USP7: variants seen among roughly 807,000 people sequenced by gnomAD.
USP7 encodes the protein ubiquitin specific peptidase 7.
USP7 carries 9 observed loss-of-function variants against 162.9 expected under a neutral mutation model. The observed-to-expected ratio is 0.06, with a 90% CI of 0.03 to 0.10. The LOEUF (loss-of-function observed/expected upper bound fraction) is 0.10. Among genes scored for constraint, USP7 ranks in the 10% least tolerant of loss-of-function variants. The pLI is 1.00. For missense variants in USP7, 715 were observed against 1,373.7 expected (o/e 0.52, Z 7.58); for synonymous variants, 562 against 475.9 (o/e 1.18, Z -2.35).
intron 1 of USP7, among the ~76,000 whole-genome samples, chr16:8,954,990 C>G (rs1162133259): frequency 6.6e-6 from 1 of 152,162 alleles, no homozygotes; most frequent in Non-Finnish European, 1.5e-5. Flanking sequence ...AAAACAGTAA[C>G]AGCAATTGCT....
At position 8,897,026 on chromosome 16, in the gene USP7, A is replaced by G. The variant is rs757472416; in HGVS notation, c.2792T>C (p.Leu931Pro). The change falls in exon 26 of 31, where the codon CTT (leucine) becomes CCT (proline). Residue 931 changes from leucine to proline, a missense_variant. By Grantham distance (98) the Leu-to-Pro change is moderately conservative. Around this residue, in one of 11 missense-constraint regions of USP7, gnomAD observed 222 missense variants for 441.7 expected, o/e 0.50. Transcript: ENST00000344836. ...LLEECKKAVE[L>P]GEKASGKLRL... ...AAGTTTCCCTGATGCTTTCTCCCCAAGCTCCACGGCCTTTTTACATTCTTC... is the reference window on the plus strand; with the variant it reads ...AAGTTTCCCTGATGCTTTCTCCCCAGGCTCCACGGCCTTTTTACATTCTTC... 14 of 1,614,126 alleles carry G rather than the reference A, an allele frequency of 8.7e-6. No individual in the cohort carries two copies. The East Asian group carries it at 2.7e-4, about 31-fold the overall frequency.
At chr16:8,916,765 C>T (rs565580344) in intron 7 of USP7, among the ~76,000 whole-genome samples, 1 of 152,226 alleles carries the variant, frequency 6.6e-6, no homozygotes, top group Non-Finnish European at 1.5e-5. Context: ...AATCTGAAAG[C>T]AGTACAGGTT....
chr16:8,894,529 CG>C lies in USP7; in HGVS notation c.3202+20del, dbSNP rs3214650. ...TTAGTCTGAAACCCACACCAGCCCC[CG>C]GGGGGGGGAGAACCCTTACCGGGCT... is the stretch of plus-strand genomic sequence containing the variant. On this transcript the variant is annotated intron_variant, in intron 30 of 30. Coordinates refer to ENST00000344836, the MANE Select transcript of USP7 (RefSeq NM_003470.3). 0.42 allele frequency: 631,945 copies of C among 1,487,300 alleles called. 125,224 individuals are homozygous for C. The highest frequency in any genetic ancestry group is 0.44 in the Non-Finnish European group (484,673 of 1,090,036). The allele number at this position is 1,487,300 out of a possible 1,614,324, so 92.1% of individuals were successfully genotyped here. A position where few individuals can be genotyped will look rare whatever the true frequency, so the allele number is the denominator to read the frequency against.
At chr16:8,935,042 C>T (rs146459497) in intron 1 of USP7, among the ~76,000 whole-genome samples, 3 of 152,318 alleles carry the variant, frequency 2.0e-5, no homozygotes, top group African/African-American at 4.8e-5. Context: ...AACGATAAGG[C>T]TGCCTTCTTT....
chr16:8,923,752 G>A (rs1240427133), intron 2 of USP7, among the ~76,000 whole-genome samples: 2 of 152,164 alleles, frequency 1.3e-5, no homozygotes, highest in Non-Finnish European at 2.9e-5. Context: ...TTGGAGAGAA[G>A]GAACGACATG....
intron 1 of USP7, among the ~76,000 whole-genome samples, chr16:8,957,650 T>G (rs1408093010): frequency 1.3e-5 from 2 of 151,360 alleles, no homozygotes; most frequent in African/African-American, 4.9e-5. Flanking sequence ...CCCAGCTACT[T>G]GGAAGGCTGA....
At chr16:8,913,543 A>T (rs1282537401) in intron 10 of USP7, among the ~76,000 whole-genome samples, 1 of 152,002 alleles carries the variant, frequency 6.6e-6, no homozygotes, top group Non-Finnish European at 1.5e-5. Flanking sequence ...GAACCTGCCA[A>T]CCTAGAAGTC....
rs567611304 is a variant in USP7 at position 8,901,940 on chromosome 16, AG to A, written c.2047+141del. On this transcript the variant is annotated intron_variant, in intron 18 of 30. Coordinates refer to ENST00000344836, the MANE Select transcript of USP7 (RefSeq NM_003470.3). ...CAAGTCAGTCTTATTTGACTTCATC[AG>A]GAAGTCTAGTGAGCTTTTGTGGAAT... 3.4e-3 allele frequency: 2,464 copies of A among 719,256 alleles called. 11 individuals are homozygous for A. Among genetic ancestry groups the A allele is most frequent in the Middle Eastern group, 5.0e-3 (13 of 2,584 alleles). The allele number at this position is 719,256 out of a possible 1,614,324, so 44.6% of individuals were successfully genotyped here.
intron 1 of USP7, among the ~76,000 whole-genome samples, chr16:8,934,615 G>A (rs1898575583): frequency 6.6e-6 from 1 of 152,238 alleles, no homozygotes; most frequent in African/African-American, 2.4e-5. Flanking sequence ...CGCAAAGCAA[G>A]CAGAGGTCTG....
intron 6 of USP7, 23 bp from the exon 7 acceptor site, chr16:8,917,179 A>ATT: frequency 6.3e-7 from 1 of 1,576,108 alleles, no homozygotes; most frequent in Non-Finnish European, 8.6e-7. Context: ...AGAAATAAGA[A>ATT]TTTTTACTCT....
At chr16:8,961,451 C>G (rs533841312) in intron 1 of USP7, among the ~76,000 whole-genome samples, 1 of 141,372 alleles carries the variant, frequency 7.1e-6, no homozygotes, top group South Asian at 2.2e-4. Context: ...GAGATCGCGC[C>G]ACTGCACTCC....
intron 1 of USP7, among the ~76,000 whole-genome samples, chr16:8,960,632 G>A (rs894790443): frequency 6.6e-6 from 1 of 152,170 alleles, no homozygotes; most frequent in Non-Finnish European, 1.5e-5. Context: ...GTTAGGAACC[G>A]AGGCAGACAC....
chr16:8,955,727 C>G (rs1017371475), intron 1 of USP7, among the ~76,000 whole-genome samples: 13 of 84,060 alleles, frequency 1.5e-4, no homozygotes, highest in African/African-American at 4.3e-4. Flanking sequence ...AAAAAAAAAA[C>G]ATTGCACAGG....
Position 8,923,451 on chromosome 16 carries a change from C to A in USP7, c.185-38G>T, listed in dbSNP as rs1338073239. 3 of 1,605,860 alleles carry A rather than the reference C, an allele frequency of 1.9e-6. No homozygotes were observed. In the Admixed American group the frequency reaches 5.1e-5, roughly 27 times the overall value. The stretch of plus-strand genomic sequence containing the variant: ...CACATCATCAGTCACAGAGCCTGTG[C>A]ATTGACCAAAAGCACTAGCATTAAT... On this transcript the variant is annotated intron_variant, in intron 2 of 30. Coordinates refer to ENST00000344836, the MANE Select transcript of USP7 (RefSeq NM_003470.3).
chr16:8,920,700 G>C (rs1396065878), intron 4 of USP7, among the ~76,000 whole-genome samples: 1 of 152,206 alleles, frequency 6.6e-6, no homozygotes, highest in East Asian at 1.9e-4. Context: ...GCATGGACAG[G>C]AGAAATCTGT....
Position 8,902,068 on chromosome 16 carries a change from T to A in USP7, c.2047+14A>T, listed in dbSNP as rs2061783661. ...ACTGCTCTAAGTGCAGGCAGGCGTCTCGTGGGCACTTACGATCTTTATCAA... is the reference window on the plus strand; with the variant it reads ...ACTGCTCTAAGTGCAGGCAGGCGTCACGTGGGCACTTACGATCTTTATCAA... On this transcript the variant is annotated intron_variant, in intron 18 of 30. Transcript: ENST00000344836. 1 of 1,609,808 alleles carries A rather than the reference T, an allele frequency of 6.2e-7. No homozygotes were observed. Among genetic ancestry groups the A allele is most frequent in the South Asian group, 1.1e-5 (1 of 90,950 alleles).
intron 25 of USP7, 106 bp from the exon 26 acceptor site, chr16:8,897,205 G>T: frequency 1.2e-6 from 1 of 856,188 alleles, no homozygotes; most frequent in Non-Finnish European, 1.9e-6. Context: ...ACTGTCCCCA[G>T]CTGGCCCCCA....
At position 8,901,125 on chromosome 16, in the gene USP7, G is replaced by A; in HGVS notation, c.2140+17C>T. On this transcript the variant is annotated intron_variant, in intron 19 of 30. Transcript: ENST00000344836. Reference sequence around the variant, plus strand: ...TGAGCAAAATCTACTCAGAAGGTAAGTGCACGAAGGACTTACGTATTTTAC... The same window carrying A: ...TGAGCAAAATCTACTCAGAAGGTAAATGCACGAAGGACTTACGTATTTTAC... 3 of 1,612,860 alleles carry A rather than the reference G, an allele frequency of 1.9e-6. No individual in the cohort carries two copies. Among genetic ancestry groups the A allele is most frequent in the Non-Finnish European group, 2.5e-6 (3 of 1,178,832 alleles).
At chr16:8,899,924 A>G (rs2061747230) in intron 21 of USP7, 167 bp from the exon 22 acceptor site, 1 of 780,054 alleles carries the variant, frequency 1.3e-6, no homozygotes, top group Non-Finnish European at 2.1e-6. Flanking sequence ...TCCCTCTGTA[A>G]GCGAGGCAAG....
Sources: gnomAD v4.1 joint callset for allele counts (sites outside exome capture counted in the v4.1 genomes callset) on GRCh38, gnomAD v4.1.1 for gene constraint, gnomAD v4.1.1 regional missense constraint, MANE v1.5 for transcripts, NCBI Gene and HGNC (gene_info 2026-07-23, HGNC 2026-07-21) for gene names.